BBOF1: variants seen among roughly 807,000 people sequenced by gnomAD.
BBOF1 encodes basal body-orientation factor 1.
A neutral mutation model predicts 68.0 loss-of-function variants in BBOF1; 62 were observed. The observed-to-expected ratio is 0.91, with a 90% CI of 0.74 to 1.13. BBOF1 has a LOEUF of 1.13. Among genes scored for constraint, BBOF1 ranks in the 50% most tolerant of loss-of-function variants. The pLI is 0.00. For missense variants in BBOF1, 534 were observed against 600.1 expected (o/e 0.89, Z 1.15); for synonymous variants, 208 against 198.8 (o/e 1.05, Z -0.39).
At chr14:74,055,138 TTTTC>T (rs777564772) in intron 8 of BBOF1, 31 of 158,836 alleles carry the variant, frequency 2.0e-4, no homozygotes, top group Non-Finnish European at 3.9e-4. Context: ...TGCTTTGTAG[TTTTC>T]TTTTTTTCTT....
Position 74,022,964 on chromosome 14 carries a change from T to C in BBOF1, c.105T>C (p.Asn35=). The part of the protein sequence containing the change: ...DESVVDRAKA[N]ASLWEARLEV... ...CTGTGGTGGACAGAGCCAAGGCCAA[T>C]GCCTCCCTTTGGGAGGCCAGGTTGG... Residue 35 remains asparagine, a synonymous_variant, in exon 2 of 12, where the codon AAT becomes AAC. Transcript: ENST00000394009. 1 of 1,613,350 alleles carries C rather than the reference T, an allele frequency of 6.2e-7. No individual in the cohort carries two copies. The highest frequency in any genetic ancestry group is 8.5e-7 in the Non-Finnish European group (1 of 1,179,538).
At chr14:74,070,231 A>G (rs567828794), downstream of BBOF1, among the ~76,000 whole-genome samples, 3 of 152,150 alleles carry the variant, frequency 2.0e-5, no homozygotes, top group African/African-American at 7.2e-5. Flanking sequence ...TTTAAGAATA[A>G]CAATAGGCAA....
rs1288846159 is a variant in BBOF1 at position 74,048,221 on chromosome 14, G to C, written c.792+147G>C. On this transcript the variant is annotated intron_variant, in intron 7 of 11. Transcript: ENST00000394009. ...ATGATGCACTTTTTTTATCTGAAAA[G>C]GTTAAATACTCAATCTTATAATGCT... 12 of 655,034 alleles carry C rather than the reference G, an allele frequency of 1.8e-5. No homozygotes were observed. The South Asian group carries it at 2.2e-4, about 12-fold the overall frequency. The allele number at this position is 655,034 out of a possible 1,614,324, so 40.6% of individuals were successfully genotyped here. A position where few individuals can be genotyped will look rare whatever the true frequency, so the allele number is the denominator to read the frequency against.
rs1446369145 is a variant in BBOF1 at position 74,056,910 on chromosome 14, T to TA, written c.1394dup (p.Tyr465Ter). The change falls in exon 10 of 12, where the codon TAC (tyrosine) becomes TAAC (stop). Residue 465 changes from tyrosine to a stop codon, truncating the protein, a stop_gained and frameshift_variant. Coordinates refer to ENST00000394009, the MANE Select transcript of BBOF1 (RefSeq NM_025057.3). LOFTEE classifies it high-confidence loss of function. Reference protein sequence around the residue: ...AKMNGCPSRKYNQSSRPPVPD... With the variant: ...AKMNGCPSRK ...GTTGACTTTTACCCACTACAGGAAA[T>TA]ACAACCAGAGTTCTAGGCCTCCAGT... The TA allele has an allele frequency of 3.3e-5, 54 of 1,612,190 alleles. No homozygotes were observed. In the Admixed American group the frequency reaches 9.0e-4, roughly 27 times the overall value.
Position 74,049,926 on chromosome 14 carries a change from C to T in BBOF1, c.1017C>T (p.Asp339=), listed in dbSNP as rs1272091587. 2 of 1,613,986 alleles carry T rather than the reference C, an allele frequency of 1.2e-6. No individual in the cohort carries two copies. Among genetic ancestry groups the T allele is most frequent in the Non-Finnish European group, 1.7e-6 (2 of 1,180,032 alleles). The change falls in exon 8 of 12, where the codon GAC becomes GAT. Residue 339 remains aspartate (D), a synonymous_variant. Coordinates refer to ENST00000394009, the MANE Select transcript of BBOF1 (RefSeq NM_025057.3). ...DKLQHLLQMK[D]REMNRVKKLA... ...TGCAGCACCTTCTTCAGATGAAGGA[C>T]AGGGAAATGAATCGTGTGAAGAAGC...
At chr14:74,038,779 A>T (rs1367741950) in intron 4 of BBOF1, among the ~76,000 whole-genome samples, 1 of 150,858 alleles carries the variant, frequency 6.6e-6, no homozygotes, top group Non-Finnish European at 1.5e-5. Context: ...TAAGGTGGGT[A>T]GAATGCTTGA....
At chr14:74,071,597 T>C in intron 9 of BBOF1, 1 of 1,602,730 alleles carries the variant, frequency 6.2e-7, no homozygotes, top group Admixed American at 1.7e-5. Context: ...TTCAGGCCAA[T>C]GAAGGGGTGC....
Position 74,048,002 on chromosome 14 carries a change from G to A in BBOF1, c.720G>A (p.Leu240=), listed in dbSNP as rs760800685. The stretch of plus-strand genomic sequence containing the variant: ...TTCAGAAAGCTCTGGCATATCACCT[G>A]AAGGAAACTGACGCTCTACAAAAAA... ...DYLQKALAYH[L]KETDALQKNS... is the part of the protein sequence containing the mutation. Residue 240 remains leucine (L), a synonymous_variant, in exon 7 of 12, where the codon CTG becomes CTA. Coordinates refer to ENST00000394009, the MANE Select transcript of BBOF1 (RefSeq NM_025057.3). The A allele has an allele frequency of 1.2e-6, 2 of 1,613,308 alleles. No individual in the cohort carries two copies. Among genetic ancestry groups the A allele is most frequent in the Non-Finnish European group, 1.7e-6 (2 of 1,179,638 alleles).
chr14:74,041,275 C>T (rs1253096496), intron 5 of BBOF1, among the ~76,000 whole-genome samples: 2 of 152,076 alleles, frequency 1.3e-5, no homozygotes, highest in Non-Finnish European at 1.5e-5. Context: ...TGCACTCCAT[C>T]CTGGGTGGTA....
intron 2 of BBOF1, among the ~76,000 whole-genome samples, chr14:74,027,530 G>A (rs2059462868): frequency 6.6e-6 from 1 of 151,400 alleles, no homozygotes; most frequent in African/African-American, 2.4e-5. Flanking sequence ...AAACCTACTG[G>A]GTGAAAGTTT....
In BBOF1 at chr14:74,064,730, C is replaced by G; in HGVS notation, c.*31C>G. 1 of 1,612,918 alleles carries G rather than the reference C, an allele frequency of 6.2e-7. No homozygotes were observed. On this transcript the variant is annotated 3_prime_UTR_variant, in exon 12 of 12. Coordinates refer to ENST00000394009, the MANE Select transcript of BBOF1 (RefSeq NM_025057.3). ...ACTGATTATGACCTCACAGATGCTG[C>G]TGGCAGTCCCTTCCTTGCAGAATCC...
chr14:74,082,831 G>T (rs550067059), exon 13 of BBOF1: 1 of 152,286 alleles, frequency 6.6e-6, no homozygotes, highest in Non-Finnish European at 1.5e-5. Context: ...AATACATAGT[G>T]TCTGTTTCTG....
intron 1 of BBOF1, among the ~76,000 whole-genome samples, chr14:74,020,628 C>T (rs576538283): frequency 2.0e-5 from 3 of 152,128 alleles, no homozygotes; most frequent in Non-Finnish European, 2.9e-5. Context: ...CTCAGCCTCC[C>T]GAGTAGCTGT....
At chr14:74,027,779 AG>A (rs944052719) in intron 2 of BBOF1, among the ~76,000 whole-genome samples, 1 of 152,130 alleles carries the variant, frequency 6.6e-6, no homozygotes, top group African/African-American at 2.4e-5. Context: ...AAGAAGCATC[AG>A]CTAAGCCCAA....
At chr14:74,064,151 A>T (rs1343428492) in intron 11 of BBOF1, among the ~76,000 whole-genome samples, 1 of 151,412 alleles carries the variant, frequency 6.6e-6, no homozygotes, top group African/African-American at 2.4e-5. Context: ...ACAAAAAATT[A>T]TCCAGGCATG....
At chr14:74,080,901 AC>A (rs1476255804) in intron 10 of BBOF1, among the ~76,000 whole-genome samples, 2 of 152,240 alleles carry the variant, frequency 1.3e-5, no homozygotes, top group Non-Finnish European at 2.9e-5. Flanking sequence ...AGAAAACGCT[AC>A]ATAGTATCTT....
Position 74,049,873 on chromosome 14 carries a change from C to A in BBOF1, c.964C>A (p.Gln322Lys). The change falls in exon 8 of 12, where the codon CAA (glutamine) becomes AAA (lysine). Residue 322 changes from glutamine (Q) to lysine (K), a missense_variant. Transcript: ENST00000394009. ...KLQQHAMIENQAGQVEIDKLQ... is the reference protein window; with the variant it reads ...KLQQHAMIENKAGQVEIDKLQ... ...GCAGCAACACGCAATGATAGAGAAC[C>A]AAGCAGGTCAGGTAGAAATTGACAA... 6.2e-7 allele frequency: 1 copy of A among 1,614,132 alleles called. No individual in the cohort carries two copies. The highest frequency in any genetic ancestry group is 8.5e-7 in the Non-Finnish European group (1 of 1,180,024).
rs2060445794 is a variant in BBOF1 at position 74,065,424 on chromosome 14, T to C, written c.*725T>C. On this transcript the variant is annotated 3_prime_UTR_variant, in exon 12 of 12. Coordinates refer to ENST00000394009, the MANE Select transcript of BBOF1 (RefSeq NM_025057.3). Reference sequence around the variant, plus strand: ...TTGGATTCTGAGTATTTTATGCTTATTTGGTACTTTCACTTACTACACATC... The same window carrying C: ...TTGGATTCTGAGTATTTTATGCTTACTTGGTACTTTCACTTACTACACATC... 1 of 1,474,308 alleles carries C rather than the reference T, an allele frequency of 6.8e-7. No individual in the cohort carries two copies. The highest frequency in any genetic ancestry group is 2.3e-5 in the East Asian group (1 of 43,560). The allele number at this position is 1,474,308 out of a possible 1,614,324, so 91.3% of individuals were successfully genotyped here. A position where few individuals can be genotyped will look rare whatever the true frequency, so the allele number is the denominator to read the frequency against.
intron 8 of BBOF1, 153 bp from the exon 9 acceptor site, chr14:74,055,431 G>C: frequency 1.7e-6 from 1 of 580,774 alleles, no homozygotes; most frequent in Non-Finnish European, 3.0e-6. Context: ...TTACAGGTGT[G>C]AGCCACCGCG....
Sources: allele counts gnomAD v4.1 joint callset (sites outside exome capture counted in the v4.1 genomes callset), GRCh38; gene constraint gnomAD v4.1.1; transcripts MANE v1.5; gene names NCBI Gene and HGNC (gene_info 2026-07-23, HGNC 2026-07-21).